Variants in AKAP19 observed in about 807,000 individuals in gnomAD.
The protein encoded by AKAP19 is small A-kinase anchoring protein.
the AKAP19 span, chr2:190,199,841 C>T: frequency 1.2e-6 from 2 of 1,608,056 alleles, no homozygotes. Context: ...CTGCTTCCTC[C>T]ACAAACAGCT....
the AKAP19 span, among the ~76,000 whole-genome samples, chr2:190,134,483 T>A: frequency 6.6e-6 from 1 of 152,110 alleles, no homozygotes; most frequent in South Asian, 2.1e-4. Context: ...AAAATATATT[T>A]ATAACATGGG....
the AKAP19 span, among the ~76,000 whole-genome samples, chr2:190,187,510 A>G: frequency 6.7e-6 from 1 of 148,362 alleles, no homozygotes; most frequent in African/African-American, 2.5e-5. Context: ...CAAGGAATTT[A>G]CTCCTTTTGA....
the AKAP19 span, among the ~76,000 whole-genome samples, chr2:189,952,349 A>T: frequency 1.3e-5 from 2 of 152,346 alleles, no homozygotes; most frequent in East Asian, 3.9e-4. Flanking sequence ...TCCTGCCTTA[A>T]GCTGGTCAAT....
At chr2:189,908,623 C>G in the AKAP19 span, among the ~76,000 whole-genome samples, 5 of 152,116 alleles carry the variant, frequency 3.3e-5, no homozygotes, top group African/African-American at 1.2e-4. Flanking sequence ...ATTGGTTGTT[C>G]AGGAGCATGT....
chr2:189,974,107 G>A, the AKAP19 span, among the ~76,000 whole-genome samples: 3 of 151,888 alleles, frequency 2.0e-5, no homozygotes, highest in African/African-American at 4.8e-5. Context: ...GCTTTCTCTT[G>A]TGGGCATTTA....
At chr2:189,928,287 T>C in the AKAP19 span, among the ~76,000 whole-genome samples, 1 of 152,154 alleles carries the variant, frequency 6.6e-6, no homozygotes, top group Non-Finnish European at 1.5e-5. Flanking sequence ...TTTTTCTTGT[T>C]ACTGGTAATG....
At chr2:189,958,789 C>G in the AKAP19 span, among the ~76,000 whole-genome samples, 1 of 151,932 alleles carries the variant, frequency 6.6e-6, no homozygotes, top group Non-Finnish European at 1.5e-5. Context: ...GCATGAATTA[C>G]AGCTGCATGA....
chr2:190,119,526 G>C, the AKAP19 span, among the ~76,000 whole-genome samples: 2 of 152,196 alleles, frequency 1.3e-5, no homozygotes, highest in Admixed American at 6.5e-5. Flanking sequence ...AGGCACATGT[G>C]GGGGCAAGGG....
chr2:190,115,354 C>T, the AKAP19 span, among the ~76,000 whole-genome samples: 1 of 85,404 alleles, frequency 1.2e-5, no homozygotes, highest in Non-Finnish European at 2.1e-5. Context: ...GAGTCTCGCT[C>T]TGTCGCCCAG....
chr2:189,898,280 T>C, the AKAP19 span, among the ~76,000 whole-genome samples: 18 of 152,174 alleles, frequency 1.2e-4, no homozygotes, highest in African/African-American at 3.9e-4. Flanking sequence ...CTAACATCCA[T>C]TGAAAACTTA....
At chr2:190,013,435 A>AT in the AKAP19 span, among the ~76,000 whole-genome samples, 1 of 151,858 alleles carries the variant, frequency 6.6e-6, no homozygotes, top group Non-Finnish European at 1.5e-5. Context: ...TATTTCTGTG[A>AT]TTTTAGTTAT....
chr2:190,025,871 C>A, the AKAP19 span, among the ~76,000 whole-genome samples: 1 of 152,148 alleles, frequency 6.6e-6, no homozygotes, highest in South Asian at 2.1e-4. Context: ...AGTATATAGC[C>A]TTTTAAATCT....
chr2:189,894,969 A>G, the AKAP19 span, among the ~76,000 whole-genome samples: 1 of 151,838 alleles, frequency 6.6e-6, no homozygotes, highest in Non-Finnish European at 1.5e-5. Flanking sequence ...ATTAAACATT[A>G]ATATTAAATA....
the AKAP19 span, among the ~76,000 whole-genome samples, chr2:190,166,555 A>G: frequency 6.6e-6 from 1 of 152,110 alleles, no homozygotes; most frequent in Admixed American, 6.5e-5. Flanking sequence ...AAATCCTGCA[A>G]TGTATTAAAA....
chr2:190,099,974 A>G, the AKAP19 span, among the ~76,000 whole-genome samples: 360 of 152,358 alleles, frequency 2.4e-3, no homozygotes, highest in Non-Finnish European at 4.3e-3. Context: ...GCTAAGCAGA[A>G]TCTTATGCCC....
the AKAP19 span, among the ~76,000 whole-genome samples, chr2:189,968,247 C>T: frequency 6.6e-6 from 1 of 152,054 alleles, no homozygotes. Flanking sequence ...TATTTATTTA[C>T]TTATTGTAGA....
chr2:189,900,299 CT>C, the AKAP19 span, among the ~76,000 whole-genome samples: 1 of 151,498 alleles, frequency 6.6e-6, no homozygotes, highest in African/African-American at 2.4e-5. Flanking sequence ...AAGAATGCGA[CT>C]TTTTTTCAAG....
the AKAP19 span, among the ~76,000 whole-genome samples, chr2:189,975,412 C>A: frequency 2.0e-5 from 3 of 152,152 alleles, no homozygotes; most frequent in African/African-American, 4.8e-5. Context: ...CTGCCCTTAA[C>A]GTTTTTTCCT....
the AKAP19 span, among the ~76,000 whole-genome samples, chr2:189,886,940 AC>A: frequency 1.3e-5 from 2 of 150,872 alleles, no homozygotes; most frequent in Non-Finnish European, 2.9e-5. Flanking sequence ...AGAAGGAAGA[AC>A]AAAGATTAGT....
Sources: gnomAD v4.1 joint callset for allele counts (sites outside exome capture counted in the v4.1 genomes callset) on GRCh38, gnomAD v4.1.1 for gene constraint, MANE v1.5 for transcripts, NCBI Gene and HGNC (gene_info 2026-07-23, HGNC 2026-07-21) for gene names.